RABGAP1: variants seen among roughly 807,000 people sequenced by gnomAD.
RABGAP1 encodes the protein rab GTPase-activating protein 1.
Under a neutral mutation model 137.6 loss-of-function variants are expected in RABGAP1, and 23 were observed. The observed-to-expected ratio is 0.17, with a 90% CI of 0.12 to 0.24. The LOEUF is 0.24. Among genes scored for constraint, RABGAP1 ranks in the 10% least tolerant of loss-of-function variants. The pLI, the probability that RABGAP1 is intolerant of heterozygous loss-of-function variation, is 1.00. For missense variants in RABGAP1, 906 were observed against 1,275.8 expected, an observed-to-expected ratio of 0.71 and a Z score of 4.42; for synonymous variants, 451 against 450.7, an observed-to-expected ratio of 1.00 and a Z score of -0.01.
Position 123,070,415 on chromosome 9 carries a change from C to T in RABGAP1, c.1974C>T (p.Leu658=), listed in dbSNP as rs758754572. The change falls in exon 15 of 26, where the codon CTC becomes CTT. Residue 658 remains leucine, a synonymous_variant. Transcript: ENST00000373647. The surrounding 1 kb of genome is among the most constrained non-coding windows in gnomAD (Gnocchi z 4.4). ...GCCAGTCATTTCTTGCTGCTGTGCT[C>T]CTTCTCCATGTGAGTAATTAGGTCT... ...CQGQSFLAAV[L]LLHMPEEQAF... The T allele has an allele frequency of 1.9e-6, 3 of 1,614,076 alleles. No individual in the cohort carries two copies. The highest frequency in any genetic ancestry group is 2.2e-5 in the South Asian group (2 of 91,072).
At position 122,965,603 on chromosome 9, in the gene RABGAP1, C is replaced by T. The variant is rs575852583; in HGVS notation, c.150+8394C>T. On this transcript the variant is annotated intron_variant, in intron 2 of 25. Transcript: ENST00000373647. ...TTCACCATGTTGGCCATGCTGGTCTCGAACTCCTGACCTCAGGTGATCCGC... is the reference window on the plus strand; with the variant it reads ...TTCACCATGTTGGCCATGCTGGTCTTGAACTCCTGACCTCAGGTGATCCGC... 7.9e-5 allele frequency among the ~76,000 whole-genome samples: 12 copies of T among 152,226 alleles called. No homozygotes were observed. In the East Asian group the frequency reaches 1.9e-3, roughly 25 times the overall value.
intron 13 of RABGAP1, among the ~76,000 whole-genome samples, chr9:123,053,856 C>T (rs1445594970): frequency 1.3e-5 from 2 of 152,142 alleles, no homozygotes; most frequent in African/African-American, 4.8e-5. Context: ...TTCTTCCTGC[C>T]GTTCTTAGCT....
chr9:123,050,427 C>T (rs2033403810), intron 13 of RABGAP1, among the ~76,000 whole-genome samples: 3 of 152,188 alleles, frequency 2.0e-5, no homozygotes, highest in Admixed American at 2.0e-4. Context: ...CACTAAAATC[C>T]CTGCTGTTGC....
At chr9:123,033,745 A>T (rs771373682) in intron 13 of RABGAP1, 1 of 152,242 alleles carries the variant, frequency 6.6e-6, no homozygotes, top group Non-Finnish European at 1.5e-5. Flanking sequence ...AATTACAGGT[A>T]ACATTCTGAA....
Position 123,027,606 on chromosome 9 carries a change from T to C in RABGAP1, c.1794+7147T>C, listed in dbSNP as rs1035374316. Among the ~76,000 whole-genome samples, 20 of 152,238 alleles carry C rather than the reference T, an allele frequency of 1.3e-4. 1 individual carries two copies. Among genetic ancestry groups the C allele is most frequent in the Non-Finnish European group, 2.2e-4 (15 of 68,030 alleles). ...TTAATCATAAGCATATGCCTGTGGA[T>C]ACCCAACAATAAAAGGAGATCGATT... On this transcript the variant is annotated intron_variant, in intron 13 of 25. Coordinates refer to ENST00000373647, the MANE Select transcript of RABGAP1 (RefSeq NM_012197.4).
At chr9:123,033,756 A>G (rs1348346565) in intron 13 of RABGAP1, 3 of 152,262 alleles carry the variant, frequency 2.0e-5, no homozygotes, top group African/African-American at 7.2e-5. Context: ...ACATTCTGAA[A>G]TTGAACTAAA....
chr9:123,029,063 C>G (rs1008658677), intron 13 of RABGAP1, among the ~76,000 whole-genome samples: 1 of 152,072 alleles, frequency 6.6e-6, no homozygotes, highest in Non-Finnish European at 1.5e-5. Context: ...GTTAATAATT[C>G]AGGCAAGAGA....
chr9:122,941,914 C>A (rs998342443), intron 1 of RABGAP1, among the ~76,000 whole-genome samples: 1 of 152,204 alleles, frequency 6.6e-6, no homozygotes, highest in African/African-American at 2.4e-5. Context: ...AACAAATGTC[C>A]TAGGAGACCG....
chr9:123,073,633 G>A lies in RABGAP1; in HGVS notation c.2065G>A (p.Glu689Lys), dbSNP rs755105599. ...CAGGGAACTTTTCAAGCAAAACTTC[G>A]AAGATTTGCATTGCAAATTTTACCA... ...GLRELFKQNF[E>K]DLHCKFYQLE... Residue 689 changes from glutamate (E) to lysine (K), a missense_variant, in exon 16 of 26, where the codon GAA (glutamate) becomes AAA (lysine). Transcript: ENST00000373647. 3.1e-6 allele frequency: 5 copies of A among 1,613,818 alleles called. No homozygotes were observed. Among genetic ancestry groups the A allele is most frequent in the Admixed American group, 1.7e-5 (1 of 59,984 alleles).
chr9:122,992,508 G>T (rs1014074056), intron 6 of RABGAP1, among the ~76,000 whole-genome samples: 1 of 151,976 alleles, frequency 6.6e-6, no homozygotes. Context: ...TGTTAATACT[G>T]ACAAAGTGCT....
intron 6 of RABGAP1, among the ~76,000 whole-genome samples, chr9:122,995,652 T>C (rs1182718036): frequency 2.1e-5 from 3 of 140,516 alleles, no homozygotes; most frequent in Non-Finnish European, 4.5e-5. Flanking sequence ...CAGTGCAACC[T>C]CTGCCTCCCT....
At chr9:123,041,334 AC>A (rs1450939303) in intron 13 of RABGAP1, among the ~76,000 whole-genome samples, 1 of 152,154 alleles carries the variant, frequency 6.6e-6, no homozygotes, top group African/African-American at 2.4e-5. Flanking sequence ...CTTATATTCT[AC>A]ATTTAATTTT....
intron 1 of RABGAP1, among the ~76,000 whole-genome samples, chr9:122,956,014 G>A (rs538747749): frequency 5.5e-4 from 84 of 152,160 alleles, no homozygotes; most frequent in Non-Finnish European, 9.7e-4. Context: ...AAATGATGGT[G>A]AGTTTAAGTT....
chr9:123,023,140 TA>T (rs2131941899), intron 13 of RABGAP1, among the ~76,000 whole-genome samples: 1 of 152,246 alleles, frequency 6.6e-6, no homozygotes, highest in South Asian at 2.1e-4. Flanking sequence ...GAGTAATCAT[TA>T]TTCTGGCTTT....
At chr9:122,935,442 A>G in the RABGAP1 span, among the ~76,000 whole-genome samples, 1 of 151,908 alleles carries the variant, frequency 6.6e-6, no homozygotes, top group Non-Finnish European at 1.5e-5. Flanking sequence ...GGTTCAATTG[A>G]TTCTCCTGCC....
rs202090815 is a variant in RABGAP1, at chr9:122,945,147, C to CTTTTTTTTTT, written c.-50+4061_-50+4070dup. 1.8e-3 allele frequency among the ~76,000 whole-genome samples: 133 copies of CTTTTTTTTTT among 75,818 alleles called. 16 individuals carry two copies. The highest frequency in any genetic ancestry group is 4.8e-3 in the African/African-American group (119 of 24,726). 49.7% of individuals were successfully genotyped at this position (75,818 alleles called of 152,430 possible). On this transcript the variant is annotated intron_variant, in intron 1 of 25. Coordinates refer to ENST00000373647, the MANE Select transcript of RABGAP1 (RefSeq NM_012197.4). ...CACCATGTATACATCATAGCTGTTGCTTTTTTTTTTTTTTTTAGCATAAAC... is the reference window on the plus strand; with the variant it reads ...CACCATGTATACATCATAGCTGTTGCTTTTTTTTTTTTTTTTTTTTTTTTTTAGCATAAAC...
chr9:123,026,140 A>G (rs1224736322), intron 13 of RABGAP1, among the ~76,000 whole-genome samples: 1 of 151,916 alleles, frequency 6.6e-6, no homozygotes, highest in Non-Finnish European at 1.5e-5. Context: ...CCTGGGGAAC[A>G]TGGCAAAATC....
chr9:122,940,821 G>T (rs1031299686), upstream of RABGAP1: 1 of 152,470 alleles, frequency 6.6e-6, no homozygotes, highest in Non-Finnish European at 1.5e-5. Flanking sequence ...AGTGCACTTC[G>T]CGCAGGCGCA....
chr9:123,015,713 A>C, intron 12 of RABGAP1, 77 bp downstream of exon 12: 1 of 998,374 alleles, frequency 1.0e-6, no homozygotes, highest in Non-Finnish European at 1.5e-6. Flanking sequence ...ACTATAATCA[A>C]TTTTGGAACC....
Sources: gnomAD v4.1 joint callset for allele counts (sites outside exome capture counted in the v4.1 genomes callset) on GRCh38, gnomAD v4.1.1 for gene constraint, Gnocchi (gnomAD v3.1) non-coding constraint, MANE v1.5 for transcripts, NCBI Gene and HGNC (gene_info 2026-07-23, HGNC 2026-07-21) for gene names.